The following GLI2 variants were observed in gnomAD, a reference collection of about 807,000 sequenced individuals.
The protein encoded by GLI2 is GLI family zinc finger 2.
A neutral mutation model predicts 78.9 loss-of-function variants in GLI2; 22 were observed. The observed-to-expected ratio is 0.28, with a 90% CI of 0.20 to 0.40. The LOEUF is 0.40. Ranked by LOEUF, GLI2 falls within the 10% of genes least tolerant of loss-of-function variation. The probability of loss-of-function intolerance (pLI) is 1.00; values close to 1 mark genes in which losing one functional copy is unlikely to be tolerated. For synonymous variants in GLI2, 974 were observed against 963.7 expected (o/e 1.01, Z -0.20); for missense variants, 2,097 against 2,213.2 (o/e 0.95, Z 1.05).
rs1326216637 is a variant in GLI2, at chr2:120,986,632, G to T, written c.2242+18G>T. ...GGGAAGTGGTGAGTAAAGGCCTGGGGTTTGCAGATGGGGCAGAAGAGAGTC... is the reference window on the plus strand; with the variant it reads ...GGGAAGTGGTGAGTAAAGGCCTGGGTTTTGCAGATGGGGCAGAAGAGAGTC... On this transcript the variant is annotated intron_variant, in intron 13 of 13. Coordinates refer to ENST00000361492, the MANE Select transcript of GLI2 (RefSeq NM_001374353.1). 5 of 1,606,114 alleles carry T rather than the reference G, an allele frequency of 3.1e-6. No individual in the cohort carries two copies. The Admixed American group carries it at 8.3e-5, about 27-fold the overall frequency.
intron 2 of GLI2, among the ~76,000 whole-genome samples, chr2:120,874,446 C>T (rs1333633316): frequency 1.3e-5 from 2 of 152,204 alleles, no homozygotes; most frequent in South Asian, 2.1e-4. Context: ...ACCCATCAGC[C>T]GCAGCCCCCG....
intron 2 of GLI2, among the ~76,000 whole-genome samples, chr2:120,915,582 C>G (rs1167937739): frequency 6.6e-6 from 1 of 152,148 alleles, no homozygotes; most frequent in East Asian, 1.9e-4. Flanking sequence ...TTCCATGATT[C>G]GTGCTCTTTT....
intron 3 of GLI2, among the ~76,000 whole-genome samples, chr2:120,928,146 C>G (rs910611707): frequency 6.6e-6 from 1 of 152,162 alleles, no homozygotes; most frequent in Admixed American, 6.5e-5. Context: ...CTCCCTACCC[C>G]CAAACTCTCC....
chr2:120,846,062 A>AG lies in GLI2; in HGVS notation c.148+48600dup, dbSNP rs566779321. Reference sequence around the variant, plus strand: ...CCCAGGTCAGCTGGGAGATGTCACTAGGGGGGTCCGAAGCACGACTAGACC... The same window carrying AG: ...CCCAGGTCAGCTGGGAGATGTCACTAGGGGGGGTCCGAAGCACGACTAGACC... On this transcript the variant is annotated intron_variant, in intron 2 of 13. Transcript: ENST00000361492. Among the ~76,000 whole-genome samples, 542 of 152,174 alleles carry AG rather than the reference A, an allele frequency of 3.6e-3. 5 individuals are homozygous for AG. The highest frequency in any genetic ancestry group is 0.012 in the African/African-American group (513 of 41,536).
chr2:120,861,531 T>G lies in GLI2; in HGVS notation c.148+64063T>G, dbSNP rs192134366. Among the ~76,000 whole-genome samples the G allele has an allele frequency of 1.9e-3, 292 of 152,316 alleles. 1 individual carries two copies. The highest frequency in any genetic ancestry group is 6.9e-3 in the African/African-American group (285 of 41,560). ...TCTTTTGCTCACTCAACTTGCTTTT[T>G]AAAACAAAAAAGCATCCAAGTGGTT... is the stretch of plus-strand genomic sequence containing the variant. On this transcript the variant is annotated intron_variant, in intron 2 of 13. Coordinates refer to ENST00000361492, the MANE Select transcript of GLI2 (RefSeq NM_001374353.1).
intron 1 of GLI2, among the ~76,000 whole-genome samples, chr2:120,762,721 G>A (rs1235780063): frequency 6.6e-6 from 1 of 152,122 alleles, no homozygotes; most frequent in African/African-American, 2.4e-5. Flanking sequence ...CCCTGTCTTC[G>A]ACCATCCCAC....
intron 2 of GLI2, among the ~76,000 whole-genome samples, chr2:120,924,728 C>T (rs932599729): frequency 6.6e-6 from 1 of 152,146 alleles, no homozygotes; most frequent in African/African-American, 2.4e-5. Context: ...CAGTGCTTGG[C>T]CCCCCACCCT....
chr2:120,919,117 A>G (rs1378041275), intron 2 of GLI2, among the ~76,000 whole-genome samples: 2 of 152,114 alleles, frequency 1.3e-5, no homozygotes, highest in Non-Finnish European at 2.9e-5. Flanking sequence ...TTAGGAGAAA[A>G]GCAACCAGTA....
chr2:120,991,319 GTATATGAATGAATAAAGCATCCAAGTA>G lies in GLI2; in HGVS notation c.*662_*688del, dbSNP rs1558947372. On this transcript the variant is annotated 3_prime_UTR_variant, in exon 14 of 14. Coordinates refer to ENST00000361492, the MANE Select transcript of GLI2 (RefSeq NM_001374353.1). ...TCTGGGACTGGCAGCCCATCCAAGT[GTATATGAATGAATAAAGCATCCAAGTA>G]TATATGAATGAATAAAGTATGTAAG... The G allele has an allele frequency of 2.0e-5, 3 of 152,658 alleles. No individual in the cohort carries two copies. The highest frequency in any genetic ancestry group is 2.1e-4 in the South Asian group (1 of 4,830). The allele number at this position is 152,658 out of a possible 1,614,324, so 9.5% of individuals were successfully genotyped here.
intron 2 of GLI2, among the ~76,000 whole-genome samples, chr2:120,843,108 G>A (rs1044293106): frequency 6.6e-5 from 10 of 152,164 alleles, no homozygotes; most frequent in Non-Finnish European, 1.5e-4. Context: ...TGTGTGTACG[G>A]GAAGGTGCCC....
At chr2:120,851,000 C>G (rs1193477983) in intron 2 of GLI2, among the ~76,000 whole-genome samples, 1 of 152,074 alleles carries the variant, frequency 6.6e-6, no homozygotes, top group Non-Finnish European at 1.5e-5. Context: ...CTCCAGGGCA[C>G]AGGGAGGGGA....
intron 2 of GLI2, among the ~76,000 whole-genome samples, chr2:120,809,702 C>G (rs1015310726): frequency 2.6e-5 from 4 of 152,194 alleles, no homozygotes; most frequent in African/African-American, 9.7e-5. Flanking sequence ...AGGGAGGACC[C>G]TGCTTCCCCT....
intron 10 of GLI2, among the ~76,000 whole-genome samples, chr2:120,979,614 C>T (rs527978905): frequency 6.6e-6 from 1 of 152,316 alleles, no homozygotes; most frequent in East Asian, 1.9e-4. Context: ...ATAAAGTTCA[C>T]CCTTTTCGGA....
intron 5 of GLI2, among the ~76,000 whole-genome samples, chr2:120,961,958 A>AT (rs1558917790): frequency 6.6e-6 from 1 of 152,110 alleles, no homozygotes; most frequent in East Asian, 1.9e-4. Flanking sequence ...GGCTCCTGGG[A>AT]CCAGGTGCCA....
rs773624892 is a variant in GLI2, at chr2:120,970,562, A to T, written c.1015A>T (p.Thr339Ser). The T allele has an allele frequency of 1.2e-6, 2 of 1,614,032 alleles. No individual in the cohort carries two copies. Among genetic ancestry groups the T allele is most frequent in the East Asian group, 2.2e-5 (1 of 44,878 alleles). Reference protein sequence around the residue: ...MALTSINATPTQLSSSSNCLS... With the variant: ...MALTSINATPSQLSSSSNCLS... ...CCTCACCTCCATCAATGCCACGCCC[A>T]CCCAGCTCAGCAGCAGCAGCAACTG... Residue 339 changes from threonine to serine, a missense_variant, in exon 7 of 14, where the codon ACC (threonine) becomes TCC (serine). Around this residue, in one of 5 missense-constraint regions of GLI2, gnomAD observed 578 missense variants for 612.0 expected, o/e 0.94. Coordinates refer to ENST00000361492, the MANE Select transcript of GLI2 (RefSeq NM_001374353.1).
At chr2:120,915,044 G>A (rs1422604317) in intron 2 of GLI2, among the ~76,000 whole-genome samples, 1 of 152,210 alleles carries the variant, frequency 6.6e-6, no homozygotes, top group African/African-American at 2.4e-5. Flanking sequence ...CCGTGGCGTT[G>A]GCTGGAGCAC....
At chr2:120,966,722 G>A (rs1489287694) in intron 5 of GLI2, among the ~76,000 whole-genome samples, 2 of 152,252 alleles carry the variant, frequency 1.3e-5, no homozygotes, top group African/African-American at 4.8e-5. Flanking sequence ...CCCAGGGCTT[G>A]CGGCTTGTTC....
At chr2:120,753,767 G>A (rs142078596) in intron 1 of GLI2, among the ~76,000 whole-genome samples, 149 of 152,008 alleles carry the variant, frequency 9.8e-4, no homozygotes, top group African/African-American at 3.1e-3. Context: ...GCGAGGTGGC[G>A]GGCGCCTGCA....
In GLI2 at chr2:120,768,700, C is replaced by T. The variant is rs571772368; in HGVS notation, c.-30-28591C>T. Among the ~76,000 whole-genome samples, 3 of 152,290 alleles carry T rather than the reference C, an allele frequency of 2.0e-5. No homozygotes were observed. In the South Asian group the frequency reaches 6.2e-4, roughly 32 times the overall value. On this transcript the variant is annotated intron_variant, in intron 1 of 13. Transcript: ENST00000361492. Reference sequence around the variant, plus strand: ...GACAGCCCCTCTTCCCCTGCCTTGCCTGGCTGGATGAGCCCTGGAACTTGC... The same window carrying T: ...GACAGCCCCTCTTCCCCTGCCTTGCTTGGCTGGATGAGCCCTGGAACTTGC...
Sources: allele counts gnomAD v4.1 joint callset (sites outside exome capture counted in the v4.1 genomes callset), GRCh38; gene constraint gnomAD v4.1.1; regional missense constraint gnomAD v4.1.1; transcripts MANE v1.5; gene names NCBI Gene and HGNC (gene_info 2026-07-23, HGNC 2026-07-21).